The following OR8B3 variants were observed in gnomAD, a reference collection of about 807,000 sequenced individuals.
OR8B3 encodes olfactory receptor 8B3.
For synonymous variants in OR8B3, 102 were observed against 135.4 expected, an observed-to-expected ratio of 0.75 and a Z score of 1.71; for missense variants, 278 against 377.6, an observed-to-expected ratio of 0.74 and a Z score of 2.19.
rs767159042 is a variant in OR8B3 at position 124,396,420 on chromosome 11, T to TTTC, written c.929_931dup (p.Arg310dup). 20 of 1,599,870 alleles carry TTTC rather than the reference T, an allele frequency of 1.3e-5. 2 individuals carry two copies. The South Asian group carries it at 2.1e-4, about 16-fold the overall frequency. On this transcript the variant is annotated inframe_insertion, in exon 2 of 2. Coordinates refer to ENST00000641139, the MANE Select transcript of OR8B3 (RefSeq NM_001005467.2). Reference sequence around the variant, plus strand: ...TATTACTGCTTCTAATTAGAATATATTTCTTCTCTGAATTTTAATCAGAGC... The same window carrying TTTC: ...TATTACTGCTTCTAATTAGAATATATTTCTTCTTCTCTGAATTTTAATCAGAGC...
In OR8B3 at chr11:124,397,971, A is replaced by C. The variant is rs554371866; in HGVS notation, c.-17-603T>G. Among the ~76,000 whole-genome samples, 9 of 152,274 alleles carry C rather than the reference A, an allele frequency of 5.9e-5. No homozygotes were observed. In the South Asian group the frequency reaches 1.0e-3, roughly 18 times the overall value. On this transcript the variant is annotated intron_variant, in intron 1 of 1. Coordinates refer to ENST00000641139, the MANE Select transcript of OR8B3 (RefSeq NM_001005467.2). ...CAGCCTCCCAAAGTGCTGGAATTAC[A>C]GGTGTGAACCACCGAGCCTGGCCAC... is the stretch of plus-strand genomic sequence containing the variant.
upstream of OR8B3, among the ~76,000 whole-genome samples, chr11:124,399,291 A>G (rs1314641519): frequency 1.3e-5 from 2 of 152,134 alleles, no homozygotes; most frequent in Admixed American, 6.5e-5. Flanking sequence ...CTCATTTTTA[A>G]TATTGTGAGT....
the OR8B3 span, among the ~76,000 whole-genome samples, chr11:124,408,711 TG>T: frequency 6.6e-6 from 1 of 152,170 alleles, no homozygotes; most frequent in African/African-American, 2.4e-5. Flanking sequence ...TTTAGGGAGC[TG>T]CCCTTCATAT....
upstream of OR8B3, among the ~76,000 whole-genome samples, chr11:124,401,998 A>G (rs1861001623): frequency 1.3e-5 from 2 of 152,228 alleles, no homozygotes; most frequent in African/African-American, 4.8e-5. Context: ...AGGCTGTGAA[A>G]TAGAACAGTG....
chr11:124,396,386 G>A lies in OR8B3; in HGVS notation c.*24C>T, dbSNP rs149882030. ...AATAAAAATTTAAAGTTCTTCAATC[G>A]TTTTACATTATTACTGCTTCTAATT... On this transcript the variant is annotated 3_prime_UTR_variant, in exon 2 of 2. Transcript: ENST00000641139. The A allele has an allele frequency of 8.0e-4, 1,242 of 1,561,812 alleles. 8 individuals are homozygous for A. In the African/African-American group the frequency reaches 0.014, roughly 17 times the overall value.
upstream of OR8B3, among the ~76,000 whole-genome samples, chr11:124,402,308 C>A (rs1861006694): frequency 6.6e-6 from 1 of 152,220 alleles, no homozygotes; most frequent in Non-Finnish European, 1.5e-5. Context: ...GCTTCACATT[C>A]TGAAACAGTT....
chr11:124,396,372 A>C lies in OR8B3; in HGVS notation c.*38T>G, dbSNP rs755018306. The stretch of plus-strand genomic sequence containing the variant: ...TCATGGAACACACTAATAAAAATTT[A>C]AAGTTCTTCAATCGTTTTACATTAT... On this transcript the variant is annotated 3_prime_UTR_variant, in exon 2 of 2. Coordinates refer to ENST00000641139, the MANE Select transcript of OR8B3 (RefSeq NM_001005467.2). 1.3e-6 allele frequency: 2 copies of C among 1,529,688 alleles called. No individual in the cohort carries two copies. The highest frequency in any genetic ancestry group is 2.8e-5 in the African/African-American group (2 of 71,676). The allele number at this position is 1,529,688 out of a possible 1,614,324, so 94.8% of individuals were successfully genotyped here.
chr11:124,406,013 A>C, the OR8B3 span, among the ~76,000 whole-genome samples: 1 of 152,228 alleles, frequency 6.6e-6, no homozygotes, highest in South Asian at 2.1e-4. Flanking sequence ...CTACAAAAGG[A>C]AAGTCCAGGG....
chr11:124,401,222 C>CAGAGACAGAG (rs1555071084), upstream of OR8B3, among the ~76,000 whole-genome samples: 1 of 142,398 alleles, frequency 7.0e-6, no homozygotes, highest in African/African-American at 2.7e-5. Flanking sequence ...TGCAAAGAGA[C>CAGAGACAGAG]AGAGAGAGAG....
the OR8B3 span, among the ~76,000 whole-genome samples, chr11:124,408,677 G>A: frequency 7.2e-5 from 11 of 152,260 alleles, no homozygotes; most frequent in Non-Finnish European, 1.6e-4. Context: ...TCCCTAGGAG[G>A]CAGGACTCGA....
rs539635777 is a variant in OR8B3, at chr11:124,396,619, C to T, written c.733G>A (p.Val245Ile). Residue 245 changes from valine to isoleucine, a missense_variant, in exon 2 of 2, where the codon GTC (valine) becomes ATC (isoleucine). Val to Ile is a conservative substitution (Grantham distance 29, BLOSUM62 3). Transcript: ENST00000641139. ...CCAAAAAACAGAGACAGAGCAATGA[C>T]ATGAGAGCTACAAGTACTGAAGGCT... ...SKAFSTCSSH[V>I]IALSLFFGSA... 10 of 1,612,274 alleles carry T rather than the reference C, an allele frequency of 6.2e-6. No homozygotes were observed. In the South Asian group the frequency reaches 1.1e-4, roughly 18 times the overall value.
the OR8B3 span, among the ~76,000 whole-genome samples, chr11:124,405,994 T>C: frequency 2.6e-5 from 4 of 152,200 alleles, no homozygotes; most frequent in African/African-American, 9.7e-5. Context: ...CTGGAGTCTA[T>C]GCACAGTGCT....
the OR8B3 span, among the ~76,000 whole-genome samples, chr11:124,407,054 C>T: frequency 6.6e-6 from 1 of 151,992 alleles, no homozygotes; most frequent in South Asian, 2.1e-4. Flanking sequence ...TCCTCATGAC[C>T]TCTTCTCCAT....
chr11:124,395,643 ATGC>A lies in OR8B3; in HGVS notation c.*764_*766del, dbSNP rs1860850379. On this transcript the variant is annotated 3_prime_UTR_variant, in exon 2 of 2. Transcript: ENST00000641139. ...CTACACGCTTTTTTCAAAATTTTCA[ATGC>A]TGTTTTAGATAGCAATGAATGAAAG... is the stretch of plus-strand genomic sequence containing the variant. 1 of 152,208 alleles carries A rather than the reference ATGC, an allele frequency of 6.6e-6. No individual in the cohort carries two copies. The highest frequency in any genetic ancestry group is 2.4e-5 in the African/African-American group (1 of 41,464). The allele number at this position is 152,208 out of a possible 1,614,324, so 9.4% of individuals were successfully genotyped here.
At chr11:124,406,066 A>G in the OR8B3 span, among the ~76,000 whole-genome samples, 9 of 152,250 alleles carry the variant, frequency 5.9e-5, no homozygotes, top group African/African-American at 9.6e-5. Flanking sequence ...TGCCTTTGGG[A>G]TTGTGTTAGT....
At chr11:124,406,243 A>G in the OR8B3 span, among the ~76,000 whole-genome samples, 7 of 152,300 alleles carry the variant, frequency 4.6e-5, no homozygotes, top group African/African-American at 1.7e-4. Flanking sequence ...TTTAGATGTT[A>G]TGTAACTTCT....
At chr11:124,402,594 T>C (rs965209639), upstream of OR8B3, among the ~76,000 whole-genome samples, 6 of 152,238 alleles carry the variant, frequency 3.9e-5, no homozygotes, top group African/African-American at 1.4e-4. Context: ...TTTGTAGTCA[T>C]GGATGCTGCA....
upstream of OR8B3, among the ~76,000 whole-genome samples, chr11:124,403,153 C>A (rs908085019): frequency 6.6e-6 from 1 of 152,232 alleles, no homozygotes; most frequent in Non-Finnish European, 1.5e-5. Flanking sequence ...GGGGTAAGGT[C>A]ATAGATCAAC....
At chr11:124,405,144 C>T in the OR8B3 span, 1 of 152,154 alleles carries the variant, frequency 6.6e-6, no homozygotes, top group East Asian at 1.9e-4. Flanking sequence ...CAGACAGTAG[C>T]ATTAATGACA....
Sources: gnomAD v4.1 joint callset for allele counts (sites outside exome capture counted in the v4.1 genomes callset) on GRCh38, gnomAD v4.1.1 for gene constraint, MANE v1.5 for transcripts, NCBI Gene and HGNC (gene_info 2026-07-23, HGNC 2026-07-21) for gene names.